The following CFAP57 variants were observed in gnomAD, a reference collection of about 807,000 sequenced individuals.
CFAP57 encodes cilia and flagella associated protein 57, also known as cilia- and flagella-associated protein 57.
A neutral mutation model predicts 146.8 loss-of-function variants in CFAP57; 116 were observed. That is an observed-to-expected ratio of 0.79 (90% CI 0.68 to 0.92). The LOEUF (loss-of-function observed/expected upper bound fraction) is 0.92. CFAP57 is among the 40% of genes least tolerant of loss of function. The pLI, the probability that CFAP57 is intolerant of heterozygous loss-of-function variation, is 0.00. For synonymous variants in CFAP57, 518 were observed against 552.8 expected (o/e 0.94, Z 0.88); for missense variants, 1,377 against 1,527.2 (o/e 0.90, Z 1.64).
In CFAP57 at chr1:43,227,135, C is replaced by G. The variant is rs764914337; in HGVS notation, c.3009+9C>G. The G allele has an allele frequency of 1.6e-5, 24 of 1,522,052 alleles. No homozygotes were observed. The highest frequency in any genetic ancestry group is 1.9e-5 in the Non-Finnish European group (22 of 1,135,000). 94.3% of individuals were successfully genotyped at this position (1,522,052 alleles called of 1,614,324 possible). On this transcript the variant is annotated intron_variant, in intron 18 of 22. Coordinates refer to ENST00000372492, the MANE Select transcript of CFAP57 (RefSeq NM_001378189.1). ...AGGAACAGATTCAGGAGGTAAGAAGCCATTTGCAACACTCTGGCCTCTCAG... is the reference window on the plus strand; with the variant it reads ...AGGAACAGATTCAGGAGGTAAGAAGGCATTTGCAACACTCTGGCCTCTCAG...
rs987543849 is a variant in CFAP57 at position 43,180,957 on chromosome 1, C to A, written c.158-577C>A. Among the ~76,000 whole-genome samples the A allele has an allele frequency of 5.1e-4, 77 of 152,278 alleles. 3 individuals are homozygous for A. Among genetic ancestry groups the A allele is most frequent in the Non-Finnish European group, 2.1e-4 (14 of 68,014 alleles). ...GCTGTACCCTTTGTCACATCCACCC[C>A]GTGGCTCAAGCTCTTCCTGCTATCT... On this transcript the variant is annotated intron_variant, in intron 2 of 22. Transcript: ENST00000372492.
chr1:43,221,240 C>T (rs767166950), intron 13 of CFAP57, 132 bp from the exon 14 acceptor site: 24 of 554,612 alleles, frequency 4.3e-5, no homozygotes, highest in Admixed American at 3.0e-4. Context: ...CTTCATAGAA[C>T]AGTGCTTGGT....
At chr1:43,198,694 AC>A (rs1280654150) in intron 8 of CFAP57, 48 bp downstream of exon 8, 1 of 1,603,492 alleles carries the variant, frequency 6.2e-7, no homozygotes, top group African/African-American at 1.3e-5. Context: ...TTAGAAAGCC[AC>A]GGCTGAAATA....
chr1:43,183,526 T>C, intron 3 of CFAP57, 65 bp from the exon 4 acceptor site: 1 of 1,418,672 alleles, frequency 7.0e-7, no homozygotes, highest in Non-Finnish European at 9.9e-7. Flanking sequence ...ATTTGTAAAA[T>C]GGGAAATAAT....
At chr1:43,210,079 G>T in intron 11 of CFAP57, 163 bp downstream of exon 11, 3 of 1,613,802 alleles carry the variant, frequency 1.9e-6, no homozygotes, top group Non-Finnish European at 2.5e-6. Context: ...TATACTCTTT[G>T]TTTAAACTAC....
At chr1:43,172,595 G>GGAAAGGGGAGGGACAAGGGGAGGA in intron 1 of CFAP57, 140 bp from the exon 2 acceptor site, 6 of 646,890 alleles carry the variant, frequency 9.3e-6, no homozygotes, top group Admixed American at 9.2e-5. Context: ...CAAGGGGAGG[G>GGAAAGGGGAGGGACAAGGGGAGGA]GAAAGGGGAG....
In CFAP57 at chr1:43,252,466, C is replaced by T. The variant is rs1364978581; in HGVS notation, c.3539-1511C>T. On this transcript the variant is annotated intron_variant, in intron 22 of 22. Coordinates refer to ENST00000372492, the MANE Select transcript of CFAP57 (RefSeq NM_001378189.1). The stretch of plus-strand genomic sequence containing the variant: ...ACCCCACAGTAGTAGTGTCCCTAGG[C>T]CCCAAGCAGAAGCAAATGCAAATTT... Among the ~76,000 whole-genome samples the T allele has an allele frequency of 2.0e-5, 3 of 151,910 alleles. No individual in the cohort carries two copies. In the East Asian group the frequency reaches 5.8e-4, roughly 29 times the overall value.
intron 11 of CFAP57, among the ~76,000 whole-genome samples, chr1:43,214,480 A>G (rs750322203): frequency 5.3e-5 from 8 of 152,214 alleles, no homozygotes; most frequent in Admixed American, 3.3e-4. Flanking sequence ...GTAGTATTCC[A>G]TGAAAAACAA....
intron 15 of CFAP57, 124 bp downstream of exon 15, chr1:43,222,419 AC>A: frequency 1.2e-6 from 1 of 844,344 alleles, no homozygotes; most frequent in South Asian, 4.3e-5. Context: ...CATGGTTTCT[AC>A]CCCCAAGGAA....
intron 8 of CFAP57, among the ~76,000 whole-genome samples, chr1:43,199,043 C>T (rs1286075936): frequency 3.3e-5 from 5 of 152,136 alleles, no homozygotes; most frequent in African/African-American, 1.2e-4. Flanking sequence ...TAATAAAGAG[C>T]GCATCAGCTT....
intron 17 of CFAP57, among the ~76,000 whole-genome samples, chr1:43,225,745 A>G (rs1286708646): frequency 6.6e-6 from 1 of 152,230 alleles, no homozygotes; most frequent in African/African-American, 2.4e-5. Context: ...GTTTTCTTTT[A>G]AGGGCAAGGG....
At position 43,186,627 on chromosome 1, in the gene CFAP57, A is replaced by G. The variant is rs998812609; in HGVS notation, c.970-80A>G. Reference sequence around the variant, plus strand: ...CTCCGTCTCAAAAAAAAAAAAAAAAAAAAAAAGAAAACTCTGAAAGCCTAA... The same window carrying G: ...CTCCGTCTCAAAAAAAAAAAAAAAAGAAAAAAGAAAACTCTGAAAGCCTAA... On this transcript the variant is annotated intron_variant, in intron 5 of 22. Transcript: ENST00000372492. The G allele has an allele frequency of 5.8e-5, 73 of 1,263,502 alleles. 1 individual carries two copies. The highest frequency in any genetic ancestry group is 1.9e-4 in the Middle Eastern group (1 of 5,202). The allele number at this position is 1,263,502 out of a possible 1,614,324, so 78.3% of individuals were successfully genotyped here.
chr1:43,208,503 A>G (rs1196085268), intron 10 of CFAP57, among the ~76,000 whole-genome samples: 3 of 152,234 alleles, frequency 2.0e-5, no homozygotes, highest in Non-Finnish European at 2.9e-5. Context: ...AGGGACGTGG[A>G]TGAAGCTGGA....
At chr1:43,251,186 A>G (rs1646315931) in intron 22 of CFAP57, among the ~76,000 whole-genome samples, 1 of 152,246 alleles carries the variant, frequency 6.6e-6, no homozygotes, top group African/African-American at 2.4e-5. Context: ...GAGTTTGGTC[A>G]AGGTCCTGGT....
chr1:43,217,335 A>G (rs1188500901), intron 12 of CFAP57, among the ~76,000 whole-genome samples: 22 of 152,208 alleles, frequency 1.4e-4, no homozygotes, highest in Admixed American at 1.4e-3. Context: ...TGAAGAATAG[A>G]TGGAGGAAGG....
chr1:43,184,943 C>T (rs989074847), intron 4 of CFAP57: 28 of 584,340 alleles, frequency 4.8e-5, no homozygotes, highest in Middle Eastern at 4.7e-4. Context: ...CTACTCCACA[C>T]GCCCCAAGCA....
intron 4 of CFAP57, 118 bp from the exon 5 acceptor site, chr1:43,185,031 A>T (rs1642943370): frequency 5.5e-6 from 6 of 1,096,134 alleles, no homozygotes; most frequent in Admixed American, 3.5e-5. Flanking sequence ...ACTGTGGAAA[A>T]GGGGATCATT....
chr1:43,245,561 C>T (rs1646085069), intron 22 of CFAP57, among the ~76,000 whole-genome samples: 1 of 152,058 alleles, frequency 6.6e-6, no homozygotes, highest in Non-Finnish European at 1.5e-5. Flanking sequence ...CCACCCCGAC[C>T]CAGAAGCCAG....
In CFAP57 at chr1:43,209,374, T is replaced by G. The variant is rs554680574; in HGVS notation, c.1756-369T>G. Among the ~76,000 whole-genome samples, 11 of 152,316 alleles carry G rather than the reference T, an allele frequency of 7.2e-5. No individual in the cohort carries two copies. In the East Asian group the frequency reaches 2.1e-3, roughly 29 times the overall value. ...AAGCAAATGCCTTTCACACAGATGGTCCGTCATCCATAGACTAGGGATAAC... is the reference window on the plus strand; with the variant it reads ...AAGCAAATGCCTTTCACACAGATGGGCCGTCATCCATAGACTAGGGATAAC... On this transcript the variant is annotated intron_variant, in intron 10 of 22. Coordinates refer to ENST00000372492, the MANE Select transcript of CFAP57 (RefSeq NM_001378189.1).
Sources: gnomAD v4.1 joint callset for allele counts (sites outside exome capture counted in the v4.1 genomes callset) on GRCh38, gnomAD v4.1.1 for gene constraint, MANE v1.5 for transcripts, NCBI Gene and HGNC (gene_info 2026-07-23, HGNC 2026-07-21) for gene names.